PCDHGB1: variants seen among roughly 807,000 people sequenced by gnomAD.
PCDHGB1 encodes the protein protocadherin gamma-B1.
Under a neutral mutation model 56.6 loss-of-function variants are expected in PCDHGB1, and 34 were observed. The observed-to-expected ratio is 0.60, with a 90% CI of 0.46 to 0.80. PCDHGB1 has a LOEUF of 0.80. Among genes scored for constraint, PCDHGB1 ranks in the 30% least tolerant of loss-of-function variants. The pLI, the probability that PCDHGB1 is intolerant of heterozygous loss-of-function variation, is 0.00. For missense variants in PCDHGB1, 1,278 were observed against 1,204.6 expected (o/e 1.06, Z -0.90); for synonymous variants, 561 against 505.9 (o/e 1.11, Z -1.46).
chr5:141,424,232 C>A (rs182055138), intron 1 of PCDHGB1: 1 of 158,642 alleles, frequency 6.3e-6, no homozygotes, highest in East Asian at 1.9e-4. Context: ...TATTTTGATT[C>A]TTGGTGGCTG....
In PCDHGB1 at chr5:141,413,451, C is replaced by T. The variant is rs1561742650; in HGVS notation, c.2409+60782C>T. 6.2e-6 allele frequency: 10 copies of T among 1,614,118 alleles called. No homozygotes were observed. The South Asian group carries it at 1.1e-4, about 18-fold the overall frequency. ...GCAGCGGCAGCTTGATCACCGCGGGCAGGATAGACCGGGAGGAGCTCTGCG... is the reference window on the plus strand; with the variant it reads ...GCAGCGGCAGCTTGATCACCGCGGGTAGGATAGACCGGGAGGAGCTCTGCG... On this transcript the variant is annotated intron_variant, in intron 1 of 3. Transcript: ENST00000523390.
Position 141,490,885 on chromosome 5 carries a change from T to C in PCDHGB1, c.2410-3922T>C, listed in dbSNP as rs1317781676. The stretch of plus-strand genomic sequence containing the variant: ...CTCTCCCCCATTGCATGCCAACACA[T>C]CTCTGCATGTGTTTGTCCTAGACGA... On this transcript the variant is annotated intron_variant, in intron 1 of 3. Coordinates refer to ENST00000523390, the MANE Select transcript of PCDHGB1 (RefSeq NM_018922.3). This position sits in a 1 kb window ranked among gnomAD's most constrained non-coding sequence, Gnocchi z 5.4. The C allele has an allele frequency of 6.2e-7, 1 of 1,613,872 alleles. No individual in the cohort carries two copies. Among genetic ancestry groups the C allele is most frequent in the Non-Finnish European group, 8.5e-7 (1 of 1,179,904 alleles).
At chr5:141,426,726 G>A (rs916323483) in intron 1 of PCDHGB1, 2 of 448,052 alleles carry the variant, frequency 4.5e-6, no homozygotes, top group South Asian at 1.6e-5. Flanking sequence ...AGCAATTCCA[G>A]GCATTCGGTT....
chr5:141,493,206 C>A lies in PCDHGB1; in HGVS notation c.2410-1601C>A, dbSNP rs191090598. Among the ~76,000 whole-genome samples the A allele has an allele frequency of 2.4e-3, 368 of 152,322 alleles. 2 individuals carry two copies. Among genetic ancestry groups the A allele is most frequent in the Admixed American group, 4.5e-3 (69 of 15,296 alleles). On this transcript the variant is annotated intron_variant, in intron 1 of 3. Transcript: ENST00000523390. This position sits in a 1 kb window ranked among gnomAD's most constrained non-coding sequence, Gnocchi z 4.3. ...TATAACTCCTTTGAGAACCTCATCT[C>A]ATTTGCTCTTCCCACCATTGCTGTT...
At position 141,351,299 on chromosome 5, in the gene PCDHGB1, T is replaced by A. The variant is rs1158316654; in HGVS notation, c.1039T>A (p.Ser347Thr). ...CAATGCCCCAGAGGTGACATTCATG[T>A]CCTTCTCTAACCAGATTCCAGAGGA... ...NDNAPEVTFM[S>T]FSNQIPEDSD... is the part of the protein sequence containing the mutation. The change falls in exon 1 of 4, where the codon TCC (serine) becomes ACC (threonine). Residue 347 changes from serine to threonine, a missense_variant. Physicochemically the swap from Ser to Thr is moderately conservative, Grantham distance 58. Coordinates refer to ENST00000523390, the MANE Select transcript of PCDHGB1 (RefSeq NM_018922.3). 9 of 1,613,848 alleles carry A rather than the reference T, an allele frequency of 5.6e-6. No homozygotes were observed. The highest frequency in any genetic ancestry group is 2.5e-6 in the Non-Finnish European group (3 of 1,179,860).
At chr5:141,352,759 G>A in intron 1 of PCDHGB1, 90 bp downstream of exon 1, 1 of 1,332,854 alleles carries the variant, frequency 7.5e-7, no homozygotes. Context: ...CCAGGCTGAG[G>A]CAGGTGGATC....
At chr5:141,502,660 A>T (rs1423714257) in intron 2 of PCDHGB1, among the ~76,000 whole-genome samples, 2 of 152,208 alleles carry the variant, frequency 1.3e-5, no homozygotes, top group African/African-American at 4.8e-5. Flanking sequence ...GCAACCCTTC[A>T]TGCAATTTTA....
At chr5:141,389,480 C>G in intron 1 of PCDHGB1, 1 of 1,613,150 alleles carries the variant, frequency 6.2e-7, no homozygotes, top group Non-Finnish European at 8.5e-7. Flanking sequence ...CACTGCAGGC[C>G]CGCGACCAGG....
intron 1 of PCDHGB1, chr5:141,355,106 G>T (rs1226515373): frequency 4.6e-6 from 7 of 1,506,972 alleles, no homozygotes; most frequent in Non-Finnish European, 2.7e-6. Flanking sequence ...CTCTGGCTGT[G>T]AATGCACTTT....
At chr5:141,407,943 T>C (rs575027782) in intron 1 of PCDHGB1, 7 of 537,790 alleles carry the variant, frequency 1.3e-5, no homozygotes, top group African/African-American at 7.6e-5. Flanking sequence ...TGGGCGCCGC[T>C]GTCGGCCAGT....
At chr5:141,448,887 G>T (rs1160586933) in intron 1 of PCDHGB1, among the ~76,000 whole-genome samples, 1 of 152,172 alleles carries the variant, frequency 6.6e-6, no homozygotes, top group East Asian at 1.9e-4. Flanking sequence ...GGAGCTTGCA[G>T]TGAGCCGAGA....
chr5:141,416,791 G>C (rs1389798483), intron 1 of PCDHGB1: 1 of 152,166 alleles, frequency 6.6e-6, no homozygotes, highest in Non-Finnish European at 1.5e-5. Flanking sequence ...TCTACTAAAT[G>C]TGGTAGTATA....
chr5:141,350,773 C>T lies in PCDHGB1; in HGVS notation c.513C>T (p.Pro171=), dbSNP rs1758555633. 6.2e-7 allele frequency: 1 copy of T among 1,613,942 alleles called. No individual in the cohort carries two copies. The highest frequency in any genetic ancestry group is 8.5e-7 in the Non-Finnish European group (1 of 1,179,888). ...CACTGAAGTTATACACCATCAACCC[C>T]AATCAATACTTCTCTCTGTCAACGA... is the stretch of plus-strand genomic sequence containing the variant. ...GNSLKLYTIN[P]NQYFSLSTKE... Residue 171 remains proline (P), a synonymous_variant, in exon 1 of 4, where the codon CCC becomes CCT. Coordinates refer to ENST00000523390, the MANE Select transcript of PCDHGB1 (RefSeq NM_018922.3).
chr5:141,376,676 G>GTCTTTTTTT (rs1773033495), intron 1 of PCDHGB1: 1 of 275,812 alleles, frequency 3.6e-6, no homozygotes, highest in Admixed American at 6.8e-5. Context: ...TGAGGGTATC[G>GTCTTTTTTT]TTTTTTTTTT....
At position 141,431,493 on chromosome 5, in the gene PCDHGB1, C is replaced by G. The variant is rs1281626711; in HGVS notation, c.2410-63314C>G. On this transcript the variant is annotated intron_variant, in intron 1 of 3. Transcript: ENST00000523390. The surrounding 1 kb of genome is among the most constrained non-coding windows in gnomAD (Gnocchi z 4.8). ...GACAACGCACCAGCGTTTGCTCAGC[C>G]CGAGTACCGCGCGAGCGTTCCGGAG... 1 of 1,613,994 alleles carries G rather than the reference C, an allele frequency of 6.2e-7. No individual in the cohort carries two copies. The highest frequency in any genetic ancestry group is 8.5e-7 in the Non-Finnish European group (1 of 1,180,042).
At position 141,476,105 on chromosome 5, in the gene PCDHGB1, C is replaced by T; in HGVS notation, c.2410-18702C>T. ...ATCTGGACCCCGCTGAGAGGAACTG[C>T]TTTTGAGTGAGATGGTCCCAGAGGC... On this transcript the variant is annotated intron_variant, in intron 1 of 3. Coordinates refer to ENST00000523390, the MANE Select transcript of PCDHGB1 (RefSeq NM_018922.3). This position sits in a 1 kb window ranked among gnomAD's most constrained non-coding sequence, Gnocchi z 7.6. 2.5e-6 allele frequency: 4 copies of T among 1,585,450 alleles called. No homozygotes were observed. The highest frequency in any genetic ancestry group is 3.4e-6 in the Non-Finnish European group (4 of 1,168,874).
At chr5:141,461,507 T>C (rs1271911872) in intron 1 of PCDHGB1, among the ~76,000 whole-genome samples, 1 of 152,316 alleles carries the variant, frequency 6.6e-6, no homozygotes, top group East Asian at 1.9e-4. Context: ...TTCTTGGTGA[T>C]TTGTTAGTTC....
At chr5:141,355,932 G>A (rs139771811) in intron 1 of PCDHGB1, 13 of 1,613,772 alleles carry the variant, frequency 8.1e-6, no homozygotes, top group Non-Finnish European at 1.0e-5. Flanking sequence ...TGTTCACTCA[G>A]CCCGAGTACC....
intron 1 of PCDHGB1, chr5:141,366,531 G>T (rs756742340): frequency 6.2e-7 from 1 of 1,614,152 alleles, no homozygotes; most frequent in Non-Finnish European, 8.5e-7. Context: ...AGGTTGGCGG[G>T]TGTGCCCGCC....
Sources: allele counts gnomAD v4.1 joint callset (sites outside exome capture counted in the v4.1 genomes callset), GRCh38; gene constraint gnomAD v4.1.1; non-coding constraint Gnocchi (gnomAD v3.1); transcripts MANE v1.5; gene names NCBI Gene and HGNC (gene_info 2026-07-23, HGNC 2026-07-21).